Variants in EPHA4 observed in about 807,000 individuals in gnomAD.
EPHA4 encodes the protein EPH receptor A4.
A neutral mutation model predicts 108.3 loss-of-function variants in EPHA4; 19 were observed. That is an observed-to-expected ratio of 0.18 (90% CI 0.12 to 0.26). EPHA4 has a LOEUF of 0.26. Ranked by LOEUF, EPHA4 falls within the 10% of genes least tolerant of loss-of-function variation. EPHA4 has a pLI of 1.00. For synonymous variants in EPHA4, 449 were observed against 455.5 expected, an observed-to-expected ratio of 0.99 and a Z score of 0.18; for missense variants, 917 against 1,254.0, an observed-to-expected ratio of 0.73 and a Z score of 4.06.
At chr2:221,518,306 A>G (rs1693050143) in intron 3 of EPHA4, among the ~76,000 whole-genome samples, 1 of 152,148 alleles carries the variant, frequency 6.6e-6, no homozygotes, top group Non-Finnish European at 1.5e-5. Flanking sequence ...TGATGCCTGT[A>G]GTCTAGGTTA....
Position 221,434,273 on chromosome 2 carries a change from G to A in EPHA4, c.2365C>T (p.Arg789Trp), listed in dbSNP as rs1690164481. Residue 789 changes from arginine (R) to tryptophan (W), a missense_variant, in exon 14 of 18, where the codon CGG (arginine) becomes TGG (tryptophan). By Grantham distance (101) the Arg-to-Trp change is moderately radical. Transcript: ENST00000281821. ...YTTRGGKIPI[R>W]WTAPEAIAYR... ...GCAATTGCTTCTGGCGCAGTCCACC[G>A]GATAGGAATCTTGCCACCCTGTGAA... The A allele has an allele frequency of 5.0e-6, 8 of 1,613,910 alleles. No homozygotes were observed. The highest frequency in any genetic ancestry group is 1.7e-5 in the Admixed American group (1 of 59,986).
chr2:221,492,675 G>A (rs1692182321), intron 4 of EPHA4, among the ~76,000 whole-genome samples: 1 of 152,232 alleles, frequency 6.6e-6, no homozygotes, highest in Non-Finnish European at 1.5e-5. Flanking sequence ...AGCTCTAACT[G>A]AAGCAGCAGC....
chr2:221,496,789 A>C (rs1191361942), intron 4 of EPHA4, among the ~76,000 whole-genome samples: 1 of 152,056 alleles, frequency 6.6e-6, no homozygotes, highest in Non-Finnish European at 1.5e-5. Flanking sequence ...TGTGCCTGTA[A>C]TCCCAGCTAC....
intron 17 of EPHA4, among the ~76,000 whole-genome samples, chr2:221,423,868 C>A (rs1345131901): frequency 6.6e-6 from 1 of 152,032 alleles, no homozygotes; most frequent in Non-Finnish European, 1.5e-5. Context: ...GTAATCCCAA[C>A]ACTTTGGGAG....
At chr2:221,435,526 T>G (rs767389611) in intron 13 of EPHA4, among the ~76,000 whole-genome samples, 6 of 151,228 alleles carry the variant, frequency 4.0e-5, no homozygotes, top group African/African-American at 7.3e-5. Context: ...AAAACCCCCA[T>G]TGCTTGGGAT....
intron 5 of EPHA4, among the ~76,000 whole-genome samples, chr2:221,479,807 GGC>G (rs1440872268): frequency 1.3e-5 from 2 of 152,128 alleles, no homozygotes; most frequent in African/African-American, 4.8e-5. Flanking sequence ...AAAGCTTTCT[GGC>G]TGGCCACATA....
intron 15 of EPHA4, among the ~76,000 whole-genome samples, chr2:221,429,054 T>G (rs146909292): frequency 1.3e-5 from 2 of 152,292 alleles, no homozygotes; most frequent in East Asian, 3.9e-4. Flanking sequence ...CACAGGATCA[T>G]GATGAAACAG....
rs188887830 is a variant in EPHA4, at chr2:221,482,760, T to A, written c.980-70A>T. 10 of 1,410,890 alleles carry A rather than the reference T, an allele frequency of 7.1e-6. No homozygotes were observed. The African/African-American group carries it at 1.1e-4, about 16-fold the overall frequency. The allele number at this position is 1,410,890 out of a possible 1,614,324, so 87.4% of individuals were successfully genotyped here. A position where few individuals can be genotyped will look rare whatever the true frequency, so the allele number is the denominator to read the frequency against. On this transcript the variant is annotated intron_variant, in intron 4 of 17. Transcript: ENST00000281821. ...CTTTTGGAATCTCTCAGAGTTTGTA[T>A]TATTTTCTGCAGCTCTCCAAAGCAA...
At chr2:221,511,818 A>T (rs549521399) in intron 3 of EPHA4, among the ~76,000 whole-genome samples, 108 of 152,276 alleles carry the variant, frequency 7.1e-4, no homozygotes, top group African/African-American at 2.5e-3. Flanking sequence ...AAAACATGTT[A>T]TTTCCTTAAA....
In EPHA4 at chr2:221,470,340, GGA is replaced by G. The variant is rs375132663; in HGVS notation, c.1318+12010_1318+12011del. Among the ~76,000 whole-genome samples the G allele has an allele frequency of 1.7e-3, 257 of 147,522 alleles. 1 individual carries two copies. The highest frequency in any genetic ancestry group is 3.8e-3 in the African/African-American group (154 of 40,420). ...GAGACAGAGAGAGAAAGGGCGGGGG[GGA>G]GAGAGAGAGAGAGAGAGAGAAACAG... On this transcript the variant is annotated intron_variant, in intron 5 of 17. Transcript: ENST00000281821.
intron 3 of EPHA4, among the ~76,000 whole-genome samples, chr2:221,547,389 G>A (rs1186728423): frequency 6.6e-6 from 1 of 152,206 alleles, no homozygotes; most frequent in African/African-American, 2.4e-5. Context: ...GCTAAGATGA[G>A]ATGATGTTCT....
intron 3 of EPHA4, among the ~76,000 whole-genome samples, chr2:221,506,071 C>T (rs561021707): frequency 5.9e-5 from 9 of 152,224 alleles, no homozygotes; most frequent in Admixed American, 5.9e-4. Context: ...CGCTGGTCTC[C>T]ATACAATATT....
chr2:221,446,099 AT>A lies in EPHA4; in HGVS notation c.1774+23del, dbSNP rs748448521. ...ACGTGTGACATGCTCTAAAAATAGAATTTTTTAATCCAATTTTTTGTACCTT... is the reference window on the plus strand; with the variant it reads ...ACGTGTGACATGCTCTAAAAATAGAATTTTTAATCCAATTTTTTGTACCTT... On this transcript the variant is annotated intron_variant, in intron 9 of 17. Coordinates refer to ENST00000281821, the MANE Select transcript of EPHA4 (RefSeq NM_004438.5). 69 of 1,504,824 alleles carry A rather than the reference AT, an allele frequency of 4.6e-5. 2 individuals carry two copies. The East Asian group carries it at 6.4e-4, about 14-fold the overall frequency. 93.2% of individuals were successfully genotyped at this position (1,504,824 alleles called of 1,614,324 possible).
chr2:221,528,409 G>A (rs1372259517), intron 3 of EPHA4, among the ~76,000 whole-genome samples: 1 of 152,152 alleles, frequency 6.6e-6, no homozygotes, highest in Admixed American at 6.5e-5. Flanking sequence ...AATTCGAGCA[G>A]CCAATTCAAC....
intron 3 of EPHA4, among the ~76,000 whole-genome samples, chr2:221,542,228 A>C (rs879380756): frequency 1.3e-5 from 2 of 152,250 alleles, no homozygotes; most frequent in Non-Finnish European, 2.9e-5. Flanking sequence ...AACTTGCCAA[A>C]AATATTTTTT....
chr2:221,545,911 A>G (rs953587148), intron 3 of EPHA4, among the ~76,000 whole-genome samples: 20 of 152,220 alleles, frequency 1.3e-4, no homozygotes, highest in African/African-American at 4.8e-4. Context: ...ATGCTTAGGA[A>G]AGGTTTATAG....
chr2:221,451,400 G>T (rs761920923), intron 8 of EPHA4, among the ~76,000 whole-genome samples: 5 of 152,128 alleles, frequency 3.3e-5, no homozygotes, highest in Non-Finnish European at 7.3e-5. Context: ...CCTTATAATT[G>T]TATTTTAGGA....
chr2:221,508,504 G>A (rs911960535), intron 3 of EPHA4, among the ~76,000 whole-genome samples: 15 of 151,628 alleles, frequency 9.9e-5, no homozygotes, highest in African/African-American at 2.2e-4. Context: ...ACTTGAACCC[G>A]GGAGACTGAG....
At chr2:221,426,640 T>C (rs1251190109) in intron 15 of EPHA4, 21 bp from the exon 16 acceptor site, 3 of 1,604,990 alleles carry the variant, frequency 1.9e-6, no homozygotes, top group Non-Finnish European at 2.5e-6. Context: ...AACAAGAAAA[T>C]ATAAGCAGAA....
Sources: gnomAD v4.1 joint callset for allele counts (sites outside exome capture counted in the v4.1 genomes callset) on GRCh38, gnomAD v4.1.1 for gene constraint, MANE v1.5 for transcripts, NCBI Gene and HGNC (gene_info 2026-07-23, HGNC 2026-07-21) for gene names.